The following TUT4 variants were observed in gnomAD, a reference collection of about 807,000 sequenced individuals.
The protein encoded by TUT4 is terminal uridylyl transferase 4.
TUT4 carries 36 observed loss-of-function variants against 192.2 expected under a neutral mutation model. The observed-to-expected ratio is 0.19, with a 90% CI of 0.14 to 0.25. The LOEUF is 0.25. Ranked by LOEUF, TUT4 falls within the 10% of genes least tolerant of loss-of-function variation. The probability of loss-of-function intolerance (pLI) is 1.00; values close to 1 mark genes in which losing one functional copy is unlikely to be tolerated. For missense variants in TUT4, 1,493 were observed against 1,957.2 expected, an observed-to-expected ratio of 0.76 and a Z score of 4.47; for synonymous variants, 618 against 666.0, an observed-to-expected ratio of 0.93 and a Z score of 1.11.
intron 3 of TUT4, among the ~76,000 whole-genome samples, chr1:52,513,335 A>G (rs1342514812): frequency 6.8e-6 from 1 of 147,072 alleles, no homozygotes; most frequent in Non-Finnish European, 1.5e-5. Context: ...CAAGGCTGCA[A>G]TGAGCCATTA....
At chr1:52,453,611 T>C (rs1317975993) in intron 20 of TUT4, among the ~76,000 whole-genome samples, 1 of 151,926 alleles carries the variant, frequency 6.6e-6, no homozygotes, top group Non-Finnish European at 1.5e-5. Context: ...ATCCTACAGC[T>C]AACATCATAC....
chr1:52,487,518 T>C (rs1482855911), intron 9 of TUT4, among the ~76,000 whole-genome samples: 1 of 152,162 alleles, frequency 6.6e-6, no homozygotes, highest in Non-Finnish European at 1.5e-5. Context: ...TGATTTCCTA[T>C]AGTATGCTAG....
Position 52,497,454 on chromosome 1 carries a change from A to G in TUT4, c.1000-271T>C, listed in dbSNP as rs192954551. ...GTCTGCATAAATTCTGAAATGCTAC[A>G]TTAAAGCCAAGGTACCTTAAGTACA... On this transcript the variant is annotated intron_variant, in intron 4 of 29. Transcript: ENST00000257177. Among the ~76,000 whole-genome samples, 14 of 152,368 alleles carry G rather than the reference A, an allele frequency of 9.2e-5. No homozygotes were observed. In the East Asian group the frequency reaches 2.5e-3, roughly 27 times the overall value.
At chr1:52,516,526 G>A (rs551494691) in intron 2 of TUT4, among the ~76,000 whole-genome samples, 7 of 152,204 alleles carry the variant, frequency 4.6e-5, no homozygotes, top group Non-Finnish European at 7.4e-5. Context: ...CAGAACTCCT[G>A]GATATCTCCA....
At chr1:52,534,470 C>T (rs565446268) in intron 1 of TUT4, among the ~76,000 whole-genome samples, 1 of 152,240 alleles carries the variant, frequency 6.6e-6, no homozygotes, top group South Asian at 2.1e-4. Context: ...ATTGGACCCC[C>T]GTAAACTCCA....
At position 52,435,513 on chromosome 1, in the gene TUT4, G is replaced by A. The variant is rs775735756; in HGVS notation, c.4163-48C>T. ...AAATCAACAGATAAGGAAAGTAGCA[G>A]AGAAATGACAATAAATAAACTCCCT... is the stretch of plus-strand genomic sequence containing the variant. On this transcript the variant is annotated intron_variant, in intron 26 of 29. Coordinates refer to ENST00000257177, the MANE Select transcript of TUT4 (RefSeq NM_001009881.3). 2.8e-6 allele frequency: 4 copies of A among 1,411,512 alleles called. No individual in the cohort carries two copies. The South Asian group carries it at 3.5e-5, about 12-fold the overall frequency. 87.4% of individuals were successfully genotyped at this position (1,411,512 alleles called of 1,614,324 possible).
intron 4 of TUT4, among the ~76,000 whole-genome samples, chr1:52,504,731 A>G (rs1675072430): frequency 6.6e-6 from 1 of 152,180 alleles, no homozygotes. Flanking sequence ...CTATCAAGCA[A>G]TAACTCCCCA....
chr1:52,540,556 A>C (rs1046019462), intron 1 of TUT4, among the ~76,000 whole-genome samples: 1 of 151,970 alleles, frequency 6.6e-6, no homozygotes, highest in Non-Finnish European at 1.5e-5. Context: ...AAAGACAAAC[A>C]CTACCTGTCT....
At chr1:52,431,907 T>C (rs991126664) in intron 27 of TUT4, 1 of 157,264 alleles carries the variant, frequency 6.4e-6, no homozygotes, top group Non-Finnish European at 1.4e-5. Flanking sequence ...GCAATCATAA[T>C]AAGTATAATG....
intron 20 of TUT4, among the ~76,000 whole-genome samples, chr1:52,448,610 A>AAAAAG (rs1658336013): frequency 2.6e-5 from 4 of 151,196 alleles, no homozygotes; most frequent in African/African-American, 7.3e-5. Flanking sequence ...AAAAAAAAAA[A>AAAAAG]AAAGAGGCAA....
rs777768507 is a variant in TUT4 at position 52,430,996 on chromosome 1, A to G, written c.4711+17T>C. 2.0e-6 allele frequency: 3 copies of G among 1,536,798 alleles called. No individual in the cohort carries two copies. Among genetic ancestry groups the G allele is most frequent in the Middle Eastern group, 1.8e-4 (1 of 5,670 alleles). ...AGAAAAGACATGCAGATAAAAAAGAAGAAAAGGAAAGGTTACCTGAATTCC... is the reference window on the plus strand; with the variant it reads ...AGAAAAGACATGCAGATAAAAAAGAGGAAAAGGAAAGGTTACCTGAATTCC... On this transcript the variant is annotated intron_variant, in intron 28 of 29. Coordinates refer to ENST00000257177, the MANE Select transcript of TUT4 (RefSeq NM_001009881.3).
At chr1:52,429,611 T>A (rs1651353196) in intron 28 of TUT4, among the ~76,000 whole-genome samples, 2 of 151,522 alleles carry the variant, frequency 1.3e-5, no homozygotes, top group Non-Finnish European at 1.5e-5. Context: ...TATTTTTTTT[T>A]GAGAGAGTCT....
At chr1:52,425,697 A>T (rs933663217) in intron 28 of TUT4, among the ~76,000 whole-genome samples, 190 bp from the exon 29 acceptor site, 3 of 152,216 alleles carry the variant, frequency 2.0e-5, no homozygotes, top group African/African-American at 7.2e-5. Flanking sequence ...TAAGAGACAT[A>T]CAAGAAGAGA....
intron 3 of TUT4, among the ~76,000 whole-genome samples, chr1:52,510,180 C>T (rs1676726934): frequency 1.3e-5 from 2 of 151,676 alleles, no homozygotes; most frequent in African/African-American, 2.4e-5. Flanking sequence ...TGCATGGTGG[C>T]GCAGGCTTGT....
intron 1 of TUT4, among the ~76,000 whole-genome samples, chr1:52,528,178 C>CAAAAAAAAAAAAAAAA (rs1557967335): frequency 7.0e-6 from 1 of 143,372 alleles, no homozygotes; most frequent in African/African-American, 2.6e-5. Flanking sequence ...GACTCCATCT[C>CAAAAAAAAAAAAAAAA]GAAAAAAATA....
At position 52,423,498 on chromosome 1, in the gene TUT4, A is replaced by G. The variant is rs1037278652; in HGVS notation, c.*437T>C. ...GAAGTGACAATTTAAAACACATGAA[A>G]TTCTTTCCTAACTTTTAAGAACAAT... On this transcript the variant is annotated 3_prime_UTR_variant, in exon 30 of 30. Coordinates refer to ENST00000257177, the MANE Select transcript of TUT4 (RefSeq NM_001009881.3). 1.6e-5 allele frequency: 3 copies of G among 188,610 alleles called. No individual in the cohort carries two copies. Among genetic ancestry groups the G allele is most frequent in the African/African-American group, 7.2e-5 (3 of 41,768 alleles). 11.7% of individuals were successfully genotyped at this position (188,610 alleles called of 1,614,324 possible).
intron 2 of TUT4, among the ~76,000 whole-genome samples, chr1:52,521,740 T>A (rs1173294918): frequency 6.6e-6 from 1 of 150,910 alleles, no homozygotes; most frequent in Non-Finnish European, 1.5e-5. Context: ...CCAAGGTGGG[T>A]GGATCACAAG....
At chr1:52,473,381 G>A (rs1666284890) in intron 13 of TUT4, among the ~76,000 whole-genome samples, 1 of 152,090 alleles carries the variant, frequency 6.6e-6, no homozygotes, top group Non-Finnish European at 1.5e-5. Flanking sequence ...TAATAATACT[G>A]TATTATATTC....
chr1:52,528,241 T>C (rs975859869), intron 1 of TUT4, among the ~76,000 whole-genome samples: 3 of 150,736 alleles, frequency 2.0e-5, no homozygotes, highest in Non-Finnish European at 4.4e-5. Context: ...ACACCTGTAA[T>C]CCCAACATTT....
Sources: allele counts gnomAD v4.1 joint callset (sites outside exome capture counted in the v4.1 genomes callset), GRCh38; gene constraint gnomAD v4.1.1; transcripts MANE v1.5; gene names NCBI Gene and HGNC (gene_info 2026-07-23, HGNC 2026-07-21).